Variants in FOXN3 observed in about 807,000 individuals in gnomAD.
The protein encoded by FOXN3 is forkhead box protein N3.
In FOXN3, 7 loss-of-function variants were observed where a neutral mutation model predicts 38.4. That is an observed-to-expected ratio of 0.18 (90% CI 0.10 to 0.34). FOXN3 has a LOEUF of 0.34. Among genes scored for constraint, FOXN3 ranks in the 10% least tolerant of loss-of-function variants. The pLI is 1.00. For missense variants in FOXN3, 456 were observed against 613.4 expected, an observed-to-expected ratio of 0.74 and a Z score of 2.71; for synonymous variants, 230 against 242.2, an observed-to-expected ratio of 0.95 and a Z score of 0.47.
chr14:89,470,474 G>A (rs74961744), intron 1 of FOXN3, among the ~76,000 whole-genome samples: 159 of 152,316 alleles, frequency 1.0e-3, no homozygotes, highest in Middle Eastern at 3.4e-3. Flanking sequence ...ATCTATGAAA[G>A]AGGATCAGAA....
chr14:89,576,825 CA>C (rs1399491276), intron 1 of FOXN3: 2 of 152,102 alleles, frequency 1.3e-5, no homozygotes, highest in Non-Finnish European at 2.9e-5. Context: ...GTAAAAATGG[CA>C]ATTAGAACAG....
chr14:89,533,758 C>T (rs1324568500), intron 1 of FOXN3, among the ~76,000 whole-genome samples: 1 of 149,998 alleles, frequency 6.7e-6, no homozygotes, highest in East Asian at 2.0e-4. Flanking sequence ...CATGTTTCCT[C>T]TTCCTTATGT....
At chr14:89,309,304 T>G (rs999189152) in intron 3 of FOXN3, among the ~76,000 whole-genome samples, 9 of 151,942 alleles carry the variant, frequency 5.9e-5, no homozygotes, top group Non-Finnish European at 2.9e-5. Flanking sequence ...ACCACTTCTC[T>G]TTACCCATCG....
At position 89,156,701 on chromosome 14, in the gene FOXN3, T is replaced by G. The variant is rs1323538508; in HGVS notation, c.*5713A>C. 2.0e-5 allele frequency: 3 copies of G among 151,750 alleles called. No individual in the cohort carries two copies. The East Asian group carries it at 5.8e-4, about 29-fold the overall frequency. 9.4% of individuals were successfully genotyped at this position (151,750 alleles called of 1,614,324 possible). A position where few individuals can be genotyped will look rare whatever the true frequency, so the allele number is the denominator to read the frequency against. ...GTTACAGAATCAGAGTATTAAAAAA[T>G]GTACAAGTGTATATGCTTCCCAGAC... On this transcript the variant is annotated 3_prime_UTR_variant, in exon 6 of 6. Transcript: ENST00000557258.
At chr14:89,540,737 CAA>C (rs34410482) in intron 1 of FOXN3, among the ~76,000 whole-genome samples, 62 of 91,204 alleles carry the variant, frequency 6.8e-4, no homozygotes, top group Admixed American at 1.2e-3. Context: ...GACTATGTCT[CAA>C]AAAAAAAAAA....
At chr14:89,593,127 G>C (rs1411135090) in intron 1 of FOXN3, among the ~76,000 whole-genome samples, 1 of 139,806 alleles carries the variant, frequency 7.2e-6, no homozygotes, top group African/African-American at 2.8e-5. Flanking sequence ...AGAAAGGAAG[G>C]AGGGAAGGAG....
chr14:89,558,684 G>T (rs1229232863), intron 1 of FOXN3, among the ~76,000 whole-genome samples: 1 of 152,222 alleles, frequency 6.6e-6, no homozygotes. Flanking sequence ...CCTTGGGCAG[G>T]CCCCACCCCT....
rs577280883 is a variant in FOXN3, at chr14:89,426,284, G to A, written c.-14-13794C>T. 1.6e-4 allele frequency among the ~76,000 whole-genome samples: 23 copies of A among 140,922 alleles called. No homozygotes were observed. The South Asian group carries it at 4.9e-3, about 30-fold the overall frequency. 92.5% of individuals were successfully genotyped at this position (140,922 alleles called of 152,430 possible). On this transcript the variant is annotated intron_variant, in intron 1 of 6. Coordinates refer to the FOXN3 transcript ENST00000345097. The stretch of plus-strand genomic sequence containing the variant: ...TTGTCACCCAGGGTGGAGCGCAGTG[G>A]CATGACCTCAGCTCATTGCAATCTC...
chr14:89,456,315 C>G (rs1330853901), intron 1 of FOXN3, among the ~76,000 whole-genome samples: 1 of 152,144 alleles, frequency 6.6e-6, no homozygotes, highest in Non-Finnish European at 1.5e-5. Context: ...GTATCCCAGG[C>G]CCATTTATAC....
chr14:89,537,221 C>G (rs1894706733), intron 1 of FOXN3, among the ~76,000 whole-genome samples: 1 of 152,156 alleles, frequency 6.6e-6, no homozygotes, highest in South Asian at 2.1e-4. Context: ...TGGTGGGACT[C>G]CACAGAATGG....
intron 3 of FOXN3, among the ~76,000 whole-genome samples, chr14:89,295,554 C>A (rs981509776): frequency 8.5e-5 from 13 of 152,080 alleles, no homozygotes; most frequent in African/African-American, 2.9e-4. Context: ...ACCTCCTACA[C>A]AGAATTATCT....
At chr14:89,245,846 G>A (rs1243477449) in intron 4 of FOXN3, among the ~76,000 whole-genome samples, 1 of 152,140 alleles carries the variant, frequency 6.6e-6, no homozygotes, top group East Asian at 1.9e-4. Flanking sequence ...CAAGTAGTGA[G>A]ATCAGCCCCC....
intron 2 of FOXN3, among the ~76,000 whole-genome samples, chr14:89,406,701 C>T (rs1891397244): frequency 6.6e-6 from 1 of 151,910 alleles, no homozygotes; most frequent in South Asian, 2.1e-4. Context: ...ATATAATAAA[C>T]ATACTTTTGT....
chr14:89,360,774 T>TCCAGCACCACCTCCACCACCACCTCCA, intron 2 of FOXN3, among the ~76,000 whole-genome samples: 1 of 34,568 alleles, frequency 2.9e-5, no homozygotes, highest in Non-Finnish European at 5.2e-5. Flanking sequence ...CACTACCACC[T>TCCAGCACCACCTCCACCACCACCTCCA]CCACCACCAC....
At chr14:89,597,617 T>A (rs568167551) in intron 1 of FOXN3, among the ~76,000 whole-genome samples, 38 of 152,088 alleles carry the variant, frequency 2.5e-4, no homozygotes, top group African/African-American at 3.6e-4. Flanking sequence ...TGTGTGTGTG[T>A]GAGAGAGAGA....
At chr14:89,190,755 C>T (rs574478809) in intron 4 of FOXN3, among the ~76,000 whole-genome samples, 53 of 152,298 alleles carry the variant, frequency 3.5e-4, no homozygotes, top group African/African-American at 1.2e-3. Flanking sequence ...TGCACCCCCA[C>T]AGCTTTTACC....
chr14:89,298,749 C>T (rs998671708), intron 3 of FOXN3, among the ~76,000 whole-genome samples: 4 of 152,204 alleles, frequency 2.6e-5, no homozygotes, highest in Admixed American at 2.6e-4. Flanking sequence ...AAATAACCAT[C>T]CTGTCCTCCA....
At chr14:89,185,140 T>C (rs952033435) in intron 4 of FOXN3, among the ~76,000 whole-genome samples, 3 of 152,218 alleles carry the variant, frequency 2.0e-5, no homozygotes, top group Non-Finnish European at 2.9e-5. Context: ...AACTAAATGC[T>C]GCCTCTGCCA....
chr14:89,221,717 G>T (rs1884469739), intron 4 of FOXN3, among the ~76,000 whole-genome samples: 1 of 151,944 alleles, frequency 6.6e-6, no homozygotes, highest in African/African-American at 2.4e-5. Context: ...CCCTCTAAGA[G>T]AATTTTCCAA....
Sources: allele counts gnomAD v4.1 joint callset (sites outside exome capture counted in the v4.1 genomes callset), GRCh38; gene constraint gnomAD v4.1.1; transcripts MANE v1.5; gene names NCBI Gene and HGNC (gene_info 2026-07-23, HGNC 2026-07-21).